Variants in PDE1A observed in about 807,000 individuals in gnomAD.
PDE1A encodes phosphodiesterase 1A.
A neutral mutation model predicts 61.7 loss-of-function variants in PDE1A; 35 were observed. The observed-to-expected ratio is 0.57, with a 90% CI of 0.43 to 0.75. The LOEUF is 0.75. PDE1A is among the 30% of genes least tolerant of loss of function. The probability of loss-of-function intolerance (pLI) is 0.00; values close to 1 mark genes in which losing one functional copy is unlikely to be tolerated. For synonymous variants in PDE1A, 232 were observed against 213.2 expected (o/e 1.09, Z -0.77); for missense variants, 597 against 630.6 (o/e 0.95, Z 0.57).
At chr2:182,495,171 CT>C (rs1167864942) in intron 2 of PDE1A, among the ~76,000 whole-genome samples, 8 of 152,172 alleles carry the variant, frequency 5.3e-5, no homozygotes, top group Admixed American at 5.2e-4. Flanking sequence ...ATTGGATCTT[CT>C]TTCTCCTTGC....
the PDE1A span, among the ~76,000 whole-genome samples, chr2:182,531,947 G>A: frequency 6.6e-6 from 1 of 152,126 alleles, no homozygotes; most frequent in African/African-American, 2.4e-5. Flanking sequence ...AGAACATGTT[G>A]TATTTGGTTT....
At chr2:182,611,804 TAAGC>T in the PDE1A span, among the ~76,000 whole-genome samples, 1 of 151,532 alleles carries the variant, frequency 6.6e-6, no homozygotes, top group African/African-American at 2.4e-5. Context: ...AGCACAAAAA[TAAGC>T]AAATAAAGAA....
the PDE1A span, among the ~76,000 whole-genome samples, chr2:182,562,199 G>C: frequency 6.6e-6 from 1 of 151,782 alleles, no homozygotes; most frequent in African/African-American, 2.4e-5. Context: ...GGGTTTGTCA[G>C]ATAGCTCTTA....
intron 1 of PDE1A, among the ~76,000 whole-genome samples, chr2:182,398,002 A>T (rs576587644): frequency 6.6e-6 from 1 of 152,126 alleles, no homozygotes; most frequent in Non-Finnish European, 1.5e-5. Flanking sequence ...AGATGTTTAC[A>T]TGAGAGACAT....
chr2:182,683,278 C>T, the PDE1A span, among the ~76,000 whole-genome samples: 1 of 151,808 alleles, frequency 6.6e-6, no homozygotes, highest in Non-Finnish European at 1.5e-5. Context: ...AGGGTTTCAC[C>T]ATCTTGGCCA....
intron 1 of PDE1A, among the ~76,000 whole-genome samples, chr2:182,389,715 G>A (rs1289412284): frequency 6.6e-6 from 1 of 152,156 alleles, no homozygotes; most frequent in Non-Finnish European, 1.5e-5. Flanking sequence ...TGAGGGTGTT[G>A]CCAAAGGAGA....
At chr2:182,218,491 T>C (rs1574754121) in intron 7 of PDE1A, among the ~76,000 whole-genome samples, 2 of 152,156 alleles carry the variant, frequency 1.3e-5, no homozygotes, top group African/African-American at 2.4e-5. Context: ...CATTGTACAA[T>C]AGATCTCTTG....
intron 1 of PDE1A, among the ~76,000 whole-genome samples, chr2:182,334,061 C>T (rs1697610326): frequency 6.6e-6 from 1 of 151,966 alleles, no homozygotes; most frequent in South Asian, 2.1e-4. Flanking sequence ...AGACCAATAA[C>T]AAGTTATGAA....
At chr2:182,288,358 A>G (rs1694304606) in intron 1 of PDE1A, among the ~76,000 whole-genome samples, 1 of 152,132 alleles carries the variant, frequency 6.6e-6, no homozygotes, top group Non-Finnish European at 1.5e-5. Flanking sequence ...TTTACAAATC[A>G]CAGTGTAATC....
At chr2:182,196,070 G>A (rs188872970) in intron 10 of PDE1A, among the ~76,000 whole-genome samples, 1 of 152,012 alleles carries the variant, frequency 6.6e-6, no homozygotes, top group Admixed American at 6.6e-5. Flanking sequence ...CATTTTACCT[G>A]TTGGAATTAA....
the PDE1A span, among the ~76,000 whole-genome samples, chr2:182,703,723 C>T: frequency 6.6e-6 from 1 of 152,128 alleles, no homozygotes; most frequent in African/African-American, 2.4e-5. Flanking sequence ...TAGGTCTCCT[C>T]ATCCATGAAA....
chr2:182,349,080 A>G (rs1353933249), intron 1 of PDE1A, among the ~76,000 whole-genome samples: 1 of 152,186 alleles, frequency 6.6e-6, no homozygotes, highest in Admixed American at 6.5e-5. Context: ...AGGAGAATTG[A>G]AAATAACTCA....
At chr2:182,230,114 T>C (rs2125639055) in exon 6 of PDE1A, 2 of 1,613,044 alleles carry the variant, frequency 1.2e-6, no homozygotes, top group East Asian at 2.2e-5. Flanking sequence ...CTTCTAAAGC[T>C]TCTGCAAAGG....
intron 2 of PDE1A, among the ~76,000 whole-genome samples, chr2:182,446,297 C>A (rs925962780): frequency 4.6e-5 from 7 of 152,000 alleles, no homozygotes; most frequent in Non-Finnish European, 1.0e-4. Flanking sequence ...GAACAGCATA[C>A]CAGTGAAGTC....
At chr2:182,679,005 CTTTTTTTT>C in the PDE1A span, among the ~76,000 whole-genome samples, 1 of 127,658 alleles carries the variant, frequency 7.8e-6, no homozygotes, top group Non-Finnish European at 1.6e-5. Flanking sequence ...TTTGGTTTCT[CTTTTTTTT>C]TTTTTTTTTG....
intron 2 of PDE1A, among the ~76,000 whole-genome samples, chr2:182,483,374 A>C (rs983769615): frequency 2.0e-5 from 3 of 151,972 alleles, no homozygotes; most frequent in Admixed American, 1.3e-4. Context: ...AATACACATT[A>C]TTTTCAAATG....
intron 1 of PDE1A, among the ~76,000 whole-genome samples, chr2:182,396,497 A>G (rs1293392555): frequency 6.6e-6 from 1 of 152,264 alleles, no homozygotes; most frequent in Non-Finnish European, 1.5e-5. Context: ...CTACGACTAC[A>G]TGACCAGTTG....
intron 13 of PDE1A, among the ~76,000 whole-genome samples, chr2:182,172,537 G>C (rs1418755823): frequency 1.3e-5 from 2 of 151,980 alleles, no homozygotes; most frequent in Non-Finnish European, 2.9e-5. Flanking sequence ...ACCTCGATAA[G>C]GCATGTGTAG....
chr2:182,210,214 G>A (rs1038406090), intron 7 of PDE1A, among the ~76,000 whole-genome samples: 5 of 152,138 alleles, frequency 3.3e-5, no homozygotes, highest in Non-Finnish European at 7.3e-5. Context: ...GTAATAAATT[G>A]GTAAACTGTC....
Sources: gnomAD v4.1 joint callset for allele counts (sites outside exome capture counted in the v4.1 genomes callset) on GRCh38, gnomAD v4.1.1 for gene constraint, MANE v1.5 for transcripts, NCBI Gene and HGNC (gene_info 2026-07-23, HGNC 2026-07-21) for gene names.